Variants in PAAF1 observed in about 807,000 individuals in gnomAD.
The protein encoded by PAAF1 is proteasomal ATPase-associated factor 1.
Under a neutral mutation model 52.8 loss-of-function variants are expected in PAAF1, and 46 were observed. That is an observed-to-expected ratio of 0.87 (90% CI 0.69 to 1.11). The LOEUF is 1.11. PAAF1 is among the 50% of genes most tolerant of loss of function. The probability of loss-of-function intolerance (pLI) is 0.00; values close to 1 mark genes in which losing one functional copy is unlikely to be tolerated. For missense variants in PAAF1, 424 were observed against 477.4 expected, an observed-to-expected ratio of 0.89 and a Z score of 1.04; for synonymous variants, 178 against 172.8, an observed-to-expected ratio of 1.03 and a Z score of -0.24.
intron 4 of PAAF1, among the ~76,000 whole-genome samples, chr11:73,892,391 A>G (rs1697709249): frequency 6.6e-6 from 1 of 151,852 alleles, no homozygotes. Context: ...AAACAGATAT[A>G]TACTTAGTGA....
Position 73,900,389 on chromosome 11 carries a change from C to T in PAAF1, c.501C>T (p.Ser167=). Residue 167 remains serine (S), a synonymous_variant, in exon 6 of 12, where the codon AGC becomes AGT. Transcript: ENST00000310571. ...QLKIWSAEDA[S]CVVTFKGHKG... is the part of the protein sequence containing the mutation. ...AGATATGGTCAGCTGAAGATGCTAG[C>T]TGCGTGGTGACCTTCAAAGGTCACA... 1.2e-6 allele frequency: 2 copies of T among 1,611,780 alleles called. No homozygotes were observed. The highest frequency in any genetic ancestry group is 1.7e-6 in the Non-Finnish European group (2 of 1,178,374).
At chr11:73,900,705 G>A (rs1024527894) in intron 6 of PAAF1, among the ~76,000 whole-genome samples, 4 of 151,086 alleles carry the variant, frequency 2.6e-5, no homozygotes, top group Admixed American at 6.6e-5. Context: ...TTTTCTGGCC[G>A]GGCGCGGTGG....
At chr11:73,876,862 G>A (rs1468812980), upstream of PAAF1, 6 of 704,686 alleles carry the variant, frequency 8.5e-6, no homozygotes, top group East Asian at 9.9e-5. Flanking sequence ...CCAGCCCCTC[G>A]TGGGGAGCGT....
intron 7 of PAAF1, 38 bp from the exon 8 acceptor site, chr11:73,914,375 A>T: frequency 6.3e-7 from 1 of 1,581,260 alleles, no homozygotes; most frequent in South Asian, 1.1e-5. Context: ...CCAGCTGATC[A>T]GCCTCACTGT....
intron 11 of PAAF1, 80 bp downstream of exon 11, chr11:73,924,777 T>C (rs1160956677): frequency 8.8e-7 from 1 of 1,137,912 alleles, no homozygotes; most frequent in Non-Finnish European, 1.3e-6. Flanking sequence ...TCCAGATACC[T>C]TGTGGTCATT....
chr11:73,902,908 C>G (rs987880862), intron 6 of PAAF1, among the ~76,000 whole-genome samples: 26 of 152,166 alleles, frequency 1.7e-4, no homozygotes, highest in Admixed American at 1.7e-3. Flanking sequence ...ACCATATTGG[C>G]CAGGCTGGTC....
chr11:73,918,352 A>ATTT lies in PAAF1; in HGVS notation c.936-569_936-567dup, dbSNP rs1157984685. On this transcript the variant is annotated intron_variant, in intron 9 of 11. Coordinates refer to ENST00000310571, the MANE Select transcript of PAAF1 (RefSeq NM_025155.3). Reference sequence around the variant, plus strand: ...TTTCTTCCATCATTTCAGTTACTTAATTTTTTTTTTTTTTTTTTTTTTTTT... The same window carrying ATTT: ...TTTCTTCCATCATTTCAGTTACTTAATTTTTTTTTTTTTTTTTTTTTTTTTTTT... Among the ~76,000 whole-genome samples the ATTT allele has an allele frequency of 1.8e-3, 129 of 71,718 alleles. 3 individuals carry two copies. The highest frequency in any genetic ancestry group is 2.7e-3 in the Non-Finnish European group (103 of 38,510). 47.0% of individuals were successfully genotyped at this position (71,718 alleles called of 152,430 possible). A position where few individuals can be genotyped will look rare whatever the true frequency, so the allele number is the denominator to read the frequency against.
Position 73,877,482 on chromosome 11 carries a change from C to T in PAAF1, c.47+414C>T, listed in dbSNP as rs527624856. On this transcript the variant is annotated intron_variant, in intron 1 of 11. Transcript: ENST00000310571. Reference sequence around the variant, plus strand: ...GGCCCCTAATGCTATATTAGGCATACTGGACGATACTATTAAGGAAACTAA... The same window carrying T: ...GGCCCCTAATGCTATATTAGGCATATTGGACGATACTATTAAGGAAACTAA... Among the ~76,000 whole-genome samples the T allele has an allele frequency of 3.9e-5, 6 of 152,320 alleles. No homozygotes were observed. The South Asian group carries it at 1.2e-3, about 32-fold the overall frequency.
chr11:73,899,971 T>C (rs2444601), intron 5 of PAAF1, among the ~76,000 whole-genome samples: 80,989 of 151,768 alleles, frequency 0.53, 25,191 homozygotes, highest in African/African-American at 0.88. Flanking sequence ...TTTAACTAGA[T>C]CTAGAGATGG....
At chr11:73,894,517 A>T (rs1949291105) in intron 4 of PAAF1, among the ~76,000 whole-genome samples, 1 of 152,128 alleles carries the variant, frequency 6.6e-6, no homozygotes, top group African/African-American at 2.4e-5. Flanking sequence ...GCATTAGGAG[A>T]TGTACCTAAT....
intron 10 of PAAF1, among the ~76,000 whole-genome samples, chr11:73,920,037 GA>G (rs537316650): frequency 2.7e-4 from 38 of 142,444 alleles, no homozygotes; most frequent in Admixed American, 4.9e-4. Flanking sequence ...AAAGACTGGT[GA>G]AAAAAAAAAA....
At chr11:73,891,049 G>T (rs979176364) in intron 3 of PAAF1, 63 bp from the exon 4 acceptor site, 2 of 972,826 alleles carry the variant, frequency 2.1e-6, no homozygotes, top group Non-Finnish European at 3.2e-6. Flanking sequence ...TCTTTAAGAG[G>T]CTTTAATTAT....
At chr11:73,897,214 C>A (rs866487456) in intron 4 of PAAF1, among the ~76,000 whole-genome samples, 1 of 120,482 alleles carries the variant, frequency 8.3e-6, no homozygotes, top group Non-Finnish European at 1.7e-5. Flanking sequence ...CCGGACGGGG[C>A]GGCTGGCCGG....
chr11:73,899,090 A>T, intron 4 of PAAF1, 56 bp from the exon 5 acceptor site: 2 of 1,366,094 alleles, frequency 1.5e-6, no homozygotes, highest in Non-Finnish European at 2.1e-6. Context: ...ACATATTTCA[A>T]GGGAATAAGA....
chr11:73,918,352 A>ATTTT (rs1157984685), intron 9 of PAAF1, among the ~76,000 whole-genome samples: 94 of 71,734 alleles, frequency 1.3e-3, no homozygotes, highest in Non-Finnish European at 1.7e-3. Flanking sequence ...CAGTTACTTA[A>ATTTT]TTTTTTTTTT....
At chr11:73,899,056 A>C in intron 4 of PAAF1, 90 bp from the exon 5 acceptor site, 4 of 1,007,046 alleles carry the variant, frequency 4.0e-6, no homozygotes, top group Non-Finnish European at 1.5e-6. Context: ...AAGTCTTGGA[A>C]GAGTGAAAAA....
chr11:73,899,643 G>A lies in PAAF1; in HGVS notation c.381+399G>A, dbSNP rs1266874606. ...GCCAGGCTGGTTTCCAACTCCTCAC[G>A]TCAAGTGATCTGCCCACCTTGGCCT... On this transcript the variant is annotated intron_variant, in intron 5 of 11. Coordinates refer to ENST00000310571, the MANE Select transcript of PAAF1 (RefSeq NM_025155.3). 3.9e-5 allele frequency among the ~76,000 whole-genome samples: 6 copies of A among 152,070 alleles called. No homozygotes were observed. The South Asian group carries it at 8.3e-4, about 21-fold the overall frequency.
At chr11:73,905,252 C>T (rs904433089) in intron 6 of PAAF1, among the ~76,000 whole-genome samples, 4 of 151,700 alleles carry the variant, frequency 2.6e-5, no homozygotes, top group Admixed American at 6.6e-5. Flanking sequence ...GAGACAGAAT[C>T]TCACTCTGTT....
chr11:73,881,991 C>T (rs1047519159), intron 2 of PAAF1, among the ~76,000 whole-genome samples: 1 of 152,138 alleles, frequency 6.6e-6, no homozygotes, highest in Admixed American at 6.5e-5. Flanking sequence ...TCTCCTGCCT[C>T]AGCCTCCCGA....
Sources: gnomAD v4.1 joint callset for allele counts (sites outside exome capture counted in the v4.1 genomes callset) on GRCh38, gnomAD v4.1.1 for gene constraint, MANE v1.5 for transcripts, NCBI Gene and HGNC (gene_info 2026-07-23, HGNC 2026-07-21) for gene names.